The following GRID1 variants were observed in gnomAD, a reference collection of about 807,000 sequenced individuals.
GRID1 encodes glutamate ionotropic receptor delta type subunit 1.
A neutral mutation model predicts 98.0 loss-of-function variants in GRID1; 28 were observed. The observed-to-expected ratio is 0.29, with a 90% CI of 0.21 to 0.39. GRID1 has a LOEUF of 0.39. GRID1 is among the 10% of genes least tolerant of loss of function. The probability of loss-of-function intolerance (pLI) is 1.00; values close to 1 mark genes in which losing one functional copy is unlikely to be tolerated. For missense variants in GRID1, 1,111 were observed against 1,340.5 expected (o/e 0.83, Z 2.67); for synonymous variants, 553 against 538.5 (o/e 1.03, Z -0.37).
intron 2 of GRID1, among the ~76,000 whole-genome samples, chr10:86,313,606 T>C (rs1477219675): frequency 6.6e-6 from 1 of 152,182 alleles, no homozygotes; most frequent in Non-Finnish European, 1.5e-5. Flanking sequence ...CTCAGTTCAG[T>C]AGGTCCTTGG....
At chr10:86,010,041 T>C (rs1842906962) in intron 4 of GRID1, among the ~76,000 whole-genome samples, 1 of 136,802 alleles carries the variant, frequency 7.3e-6, no homozygotes, top group Admixed American at 7.5e-5. Flanking sequence ...AGGGCAAAAA[T>C]AGCCAGGCAA....
chr10:85,927,239 A>G (rs1412026548), intron 4 of GRID1, among the ~76,000 whole-genome samples: 7 of 152,226 alleles, frequency 4.6e-5, no homozygotes, highest in Non-Finnish European at 1.5e-5. Flanking sequence ...CTGCCTGTTG[A>G]GGCAGATGTG....
chr10:85,824,251 C>T (rs1390943384), intron 8 of GRID1, among the ~76,000 whole-genome samples: 2 of 152,078 alleles, frequency 1.3e-5, no homozygotes, highest in Non-Finnish European at 2.9e-5. Context: ...TACGATCCGG[C>T]GAGAGACTGG....
intron 2 of GRID1, among the ~76,000 whole-genome samples, chr10:86,348,858 C>A (rs1399707099): frequency 6.6e-6 from 1 of 152,362 alleles, no homozygotes; most frequent in Non-Finnish European, 1.5e-5. Flanking sequence ...AGCTAAGTAG[C>A]CTAAAGCAGT....
intron 4 of GRID1, among the ~76,000 whole-genome samples, chr10:85,955,774 G>A (rs115797682): frequency 0.013 from 2,044 of 152,198 alleles, 54 homozygotes; most frequent in African/African-American, 0.047. Flanking sequence ...CCCACGCTTT[G>A]CCCCTGTCTG....
intron 4 of GRID1, among the ~76,000 whole-genome samples, chr10:86,122,648 CAT>C (rs1296811333): frequency 6.6e-6 from 1 of 152,244 alleles, no homozygotes; most frequent in African/African-American, 2.4e-5. Context: ...CACTGCCCCT[CAT>C]AGAAAGAAAC....
In GRID1 at chr10:86,340,704, G is replaced by A. The variant is rs182310348; in HGVS notation, c.235+23237C>T. The stretch of plus-strand genomic sequence containing the variant: ...ACTTTGATACAACCAAAAACTAGAA[G>A]GGGAGGAGGGAAGAAGGAAAAAGGC... On this transcript the variant is annotated intron_variant, in intron 2 of 15. Coordinates refer to ENST00000327946, the MANE Select transcript of GRID1 (RefSeq NM_017551.3). Among the ~76,000 whole-genome samples the A allele has an allele frequency of 4.6e-3, 700 of 152,298 alleles. 5 individuals are homozygous for A. Among genetic ancestry groups the A allele is most frequent in the African/African-American group, 0.016 (665 of 41,566 alleles).
At chr10:86,026,785 T>G (rs1031019890) in intron 4 of GRID1, among the ~76,000 whole-genome samples, 1 of 152,220 alleles carries the variant, frequency 6.6e-6, no homozygotes, top group African/African-American at 2.4e-5. Context: ...GACCAGAGAC[T>G]GGTGCTTATG....
intron 11 of GRID1, among the ~76,000 whole-genome samples, chr10:85,724,082 G>A (rs1841733852): frequency 6.6e-6 from 1 of 152,166 alleles, no homozygotes; most frequent in South Asian, 2.1e-4. Flanking sequence ...AATGTAGGAG[G>A]AGAGAAAAGT....
At chr10:85,821,694 G>A (rs1842774405) in intron 8 of GRID1, among the ~76,000 whole-genome samples, 1 of 151,918 alleles carries the variant, frequency 6.6e-6, no homozygotes, top group African/African-American at 2.4e-5. Flanking sequence ...ATATGTATAT[G>A]TGTATATATC....
intron 4 of GRID1, among the ~76,000 whole-genome samples, chr10:86,130,038 G>A (rs565851050): frequency 1.3e-5 from 2 of 152,360 alleles, no homozygotes; most frequent in South Asian, 4.1e-4. Flanking sequence ...CAAGGGGCAG[G>A]CTCATCACCC....
intron 3 of GRID1, among the ~76,000 whole-genome samples, chr10:86,202,015 C>A (rs1215763043): frequency 6.6e-6 from 1 of 152,182 alleles, no homozygotes; most frequent in Non-Finnish European, 1.5e-5. Context: ...TACATCGTAA[C>A]CATGTGTAGC....
intron 12 of GRID1, among the ~76,000 whole-genome samples, chr10:85,715,601 C>T (rs187671525): frequency 3.3e-5 from 5 of 151,926 alleles, no homozygotes; most frequent in African/African-American, 4.8e-5. Context: ...AAAAGATATA[C>T]GAAAAAATAT....
At chr10:85,929,001 T>G (rs1841813164) in intron 4 of GRID1, among the ~76,000 whole-genome samples, 1 of 152,176 alleles carries the variant, frequency 6.6e-6, no homozygotes, top group African/African-American at 2.4e-5. Context: ...GATTTCACTG[T>G]TTTTTCATCT....
chr10:86,292,160 C>A (rs1438791540), intron 2 of GRID1, among the ~76,000 whole-genome samples: 3 of 152,166 alleles, frequency 2.0e-5, no homozygotes, highest in Non-Finnish European at 4.4e-5. Context: ...GCACGCACGC[C>A]CCAGCACAGA....
chr10:86,294,328 A>T (rs1346287638), intron 2 of GRID1, among the ~76,000 whole-genome samples: 1 of 152,212 alleles, frequency 6.6e-6, no homozygotes, highest in African/African-American at 2.4e-5. Context: ...CTTTTCCTCT[A>T]GCGAGATGGG....
At chr10:86,287,817 G>A (rs931202342) in intron 2 of GRID1, among the ~76,000 whole-genome samples, 2 of 151,620 alleles carry the variant, frequency 1.3e-5, no homozygotes, top group African/African-American at 4.8e-5. Context: ...AATTCCTGTT[G>A]CCAGAGATTT....
At chr10:85,709,042 C>T (rs1224160213) in intron 12 of GRID1, 5 of 320,516 alleles carry the variant, frequency 1.6e-5, no homozygotes, top group Admixed American at 3.7e-5. Context: ...AATTGAACTA[C>T]TTGGGTGCTA....
At chr10:86,240,092 T>C (rs1846603269) in intron 2 of GRID1, among the ~76,000 whole-genome samples, 1 of 152,194 alleles carries the variant, frequency 6.6e-6, no homozygotes, top group Non-Finnish European at 1.5e-5. Flanking sequence ...ATTGATCTTA[T>C]ACTTCCAGCC....
Sources: allele counts gnomAD v4.1 joint callset (sites outside exome capture counted in the v4.1 genomes callset), GRCh38; gene constraint gnomAD v4.1.1; transcripts MANE v1.5; gene names NCBI Gene and HGNC (gene_info 2026-07-23, HGNC 2026-07-21).